Variants in DLGAP1 observed in about 807,000 individuals in gnomAD.
The protein encoded by DLGAP1 is disks large-associated protein 1.
In DLGAP1, 11 loss-of-function variants were observed where a neutral mutation model predicts 90.8. That is an observed-to-expected ratio of 0.12 (90% CI 0.08 to 0.20). DLGAP1 has a LOEUF of 0.20. Among genes scored for constraint, DLGAP1 ranks in the 10% least tolerant of loss-of-function variants. The pLI is 1.00. For synonymous variants in DLGAP1, 558 were observed against 540.7 expected, an observed-to-expected ratio of 1.03 and a Z score of -0.44; for missense variants, 1,050 against 1,333.8, an observed-to-expected ratio of 0.79 and a Z score of 3.31.
intron 1 of DLGAP1, among the ~76,000 whole-genome samples, chr18:4,387,760 G>A (rs1157469179): frequency 1.3e-5 from 2 of 152,106 alleles, no homozygotes; most frequent in Admixed American, 1.3e-4. Context: ...GCGAAACCCC[G>A]TCTCTACTAA....
intron 7 of DLGAP1, among the ~76,000 whole-genome samples, chr18:3,590,835 T>C (rs1300192556): frequency 1.3e-5 from 2 of 151,582 alleles, no homozygotes; most frequent in African/African-American, 2.4e-5. Flanking sequence ...GACGGTGCCA[T>C]TGCACTCCAG....
chr18:4,111,115 C>A (rs191265597), intron 2 of DLGAP1, among the ~76,000 whole-genome samples: 3 of 152,132 alleles, frequency 2.0e-5, no homozygotes, highest in Admixed American at 2.0e-4. Context: ...CGGTTTTTAT[C>A]GTGAAGGGCT....
intron 9 of DLGAP1, among the ~76,000 whole-genome samples, chr18:3,547,323 A>G (rs1180756397): frequency 6.7e-6 from 1 of 149,840 alleles, no homozygotes; most frequent in African/African-American, 2.5e-5. Flanking sequence ...AAAAAAAAAA[A>G]GAATGGGAGA....
chr18:3,816,492 C>T (rs912122860), intron 4 of DLGAP1, among the ~76,000 whole-genome samples: 19 of 152,148 alleles, frequency 1.2e-4, no homozygotes, highest in African/African-American at 4.6e-4. Flanking sequence ...AGAGATGCTA[C>T]TATTCATGGT....
chr18:4,267,660 G>A (rs2079160252), intron 1 of DLGAP1, among the ~76,000 whole-genome samples: 1 of 152,152 alleles, frequency 6.6e-6, no homozygotes, highest in South Asian at 2.1e-4. Flanking sequence ...TTGAGGTTTG[G>A]GATTGTGGGA....
intron 2 of DLGAP1, among the ~76,000 whole-genome samples, chr18:4,020,824 TGC>T (rs2074596500): frequency 6.6e-6 from 1 of 152,180 alleles, no homozygotes; most frequent in Non-Finnish European, 1.5e-5. Flanking sequence ...GGCCTCTGGT[TGC>T]AAGAGTCTGA....
intron 4 of DLGAP1, among the ~76,000 whole-genome samples, chr18:3,843,029 G>T (rs1454837168): frequency 6.6e-5 from 10 of 152,146 alleles, no homozygotes; most frequent in Admixed American, 6.5e-4. Context: ...ATGGTGCCAA[G>T]AACTTCTTAT....
chr18:4,137,938 C>G (rs540106151), intron 2 of DLGAP1, among the ~76,000 whole-genome samples: 10 of 152,144 alleles, frequency 6.6e-5, no homozygotes, highest in African/African-American at 1.9e-4. Flanking sequence ...TATAGAAATG[C>G]TACGGATTTT....
chr18:3,602,006 C>G (rs1320494820), intron 7 of DLGAP1, among the ~76,000 whole-genome samples: 1 of 151,928 alleles, frequency 6.6e-6, no homozygotes, highest in Non-Finnish European at 1.5e-5. Flanking sequence ...GAGACTCCTT[C>G]TCAAATGAAT....
rs1158752951 is a variant in DLGAP1 at position 3,526,391 on chromosome 18, G to C, written c.2479+7803C>G. Among the ~76,000 whole-genome samples the C allele has an allele frequency of 1.3e-5, 2 of 152,158 alleles. No homozygotes were observed. Among genetic ancestry groups the C allele is most frequent in the Non-Finnish European group, 2.9e-5 (2 of 68,026 alleles). On this transcript the variant is annotated intron_variant, in intron 10 of 12. Coordinates refer to ENST00000315677, the MANE Select transcript of DLGAP1 (RefSeq NM_004746.4). This position sits in a 1 kb window ranked among gnomAD's most constrained non-coding sequence, Gnocchi z 4.7. ...ATCACAATGACTGTGCACAGTTTCC[G>C]TAACCAAACCTGAAACCAGGCAAAC... is the stretch of plus-strand genomic sequence containing the variant.
At chr18:3,650,864 G>T (rs535339621) in intron 7 of DLGAP1, among the ~76,000 whole-genome samples, 2 of 144,242 alleles carry the variant, frequency 1.4e-5, no homozygotes, top group Non-Finnish European at 3.1e-5. Flanking sequence ...GTCAGGAGTT[G>T]GAGACCATCC....
intron 2 of DLGAP1, among the ~76,000 whole-genome samples, chr18:4,026,679 T>C (rs1218299047): frequency 6.6e-6 from 1 of 152,212 alleles, no homozygotes; most frequent in African/African-American, 2.4e-5. Flanking sequence ...CCTTTAGTGG[T>C]GCCACATTTT....
chr18:4,225,298 C>T (rs2078162014), intron 1 of DLGAP1, among the ~76,000 whole-genome samples: 1 of 151,992 alleles, frequency 6.6e-6, no homozygotes, highest in African/African-American at 2.4e-5. Context: ...ACCCACATCC[C>T]ATAGATACCT....
At position 3,666,742 on chromosome 18, in the gene DLGAP1, G is replaced by T. The variant is rs866294986; in HGVS notation, c.1591+62393C>A. Among the ~76,000 whole-genome samples the T allele has an allele frequency of 4.0e-5, 6 of 151,536 alleles. No homozygotes were observed. The East Asian group carries it at 9.7e-4, about 25-fold the overall frequency. On this transcript the variant is annotated intron_variant, in intron 7 of 12. Coordinates refer to ENST00000315677, the MANE Select transcript of DLGAP1 (RefSeq NM_004746.4). Reference sequence around the variant, plus strand: ...AGATTCTAATCTGTCAATTTAAAAAGTTTTTTTTTAAACAATTTTTAAATT... The same window carrying T: ...AGATTCTAATCTGTCAATTTAAAAATTTTTTTTTTAAACAATTTTTAAATT...
In DLGAP1 at chr18:3,757,903, C is replaced by T. The variant is rs184478689; in HGVS notation, c.1173-15391G>A. Among the ~76,000 whole-genome samples the T allele has an allele frequency of 2.2e-3, 331 of 152,140 alleles. 2 individuals are homozygous for T. Among genetic ancestry groups the T allele is most frequent in the African/African-American group, 7.5e-3 (311 of 41,494 alleles). ...GGCCAAGGCGGGTGGATCATGAGGT[C>T]AGAAATTCAAGACCAGCCTGGCCAA... is the stretch of plus-strand genomic sequence containing the variant. On this transcript the variant is annotated intron_variant, in intron 5 of 12. Coordinates refer to ENST00000315677, the MANE Select transcript of DLGAP1 (RefSeq NM_004746.4).
At chr18:4,279,785 A>G (rs1042416678) in intron 1 of DLGAP1, among the ~76,000 whole-genome samples, 14 of 152,222 alleles carry the variant, frequency 9.2e-5, no homozygotes, top group Admixed American at 5.2e-4. Context: ...AGAATGATAA[A>G]ACTTAAGCAT....
intron 7 of DLGAP1, among the ~76,000 whole-genome samples, chr18:3,627,140 A>G (rs1298262937): frequency 6.6e-6 from 1 of 152,054 alleles, no homozygotes; most frequent in Non-Finnish European, 1.5e-5. Context: ...AGGGCTCACT[A>G]TGTTGCCCAG....
chr18:4,048,282 ATATT>A (rs1206010815), intron 2 of DLGAP1, among the ~76,000 whole-genome samples: 1 of 152,252 alleles, frequency 6.6e-6, no homozygotes, highest in Admixed American at 6.5e-5. Flanking sequence ...GTAATTGCTC[ATATT>A]TAAGATGAAG....
intron 7 of DLGAP1, among the ~76,000 whole-genome samples, chr18:3,706,611 A>T (rs1367720685): frequency 6.6e-6 from 1 of 152,198 alleles, no homozygotes; most frequent in Admixed American, 6.5e-5. Flanking sequence ...TGCAAGCATA[A>T]ATGTTGATGT....
Sources: gnomAD v4.1 joint callset for allele counts (sites outside exome capture counted in the v4.1 genomes callset) on GRCh38, gnomAD v4.1.1 for gene constraint, Gnocchi (gnomAD v3.1) non-coding constraint, MANE v1.5 for transcripts, NCBI Gene and HGNC (gene_info 2026-07-23, HGNC 2026-07-21) for gene names.